The following SLC16A10 variants were observed in gnomAD, a reference collection of about 807,000 sequenced individuals.
The protein encoded by SLC16A10 is solute carrier family 16 member 10, also known as monocarboxylate transporter 10.
A neutral mutation model predicts 40.0 loss-of-function variants in SLC16A10; 27 were observed. That is an observed-to-expected ratio of 0.67 (90% CI 0.50 to 0.93). SLC16A10 has a LOEUF of 0.93. SLC16A10 is among the 40% of genes least tolerant of loss of function. SLC16A10 has a pLI of 0.00. For missense variants in SLC16A10, 529 were observed against 658.2 expected (o/e 0.80, Z 2.15); for synonymous variants, 213 against 249.8 (o/e 0.85, Z 1.39).
At chr6:111,209,747 G>C (rs1387735412) in intron 4 of SLC16A10, among the ~76,000 whole-genome samples, 5 of 152,300 alleles carry the variant, frequency 3.3e-5, no homozygotes, top group African/African-American at 1.2e-4. Flanking sequence ...AGGGGCAGGA[G>C]TGGTCAGCAG....
chr6:111,154,189 C>T (rs898638419), intron 1 of SLC16A10, among the ~76,000 whole-genome samples: 3 of 152,058 alleles, frequency 2.0e-5, no homozygotes, highest in African/African-American at 7.2e-5. Context: ...CCACTATAGG[C>T]CATTAATCCT....
At chr6:111,192,675 TCA>T (rs1773015122) in intron 3 of SLC16A10, among the ~76,000 whole-genome samples, 1 of 152,274 alleles carries the variant, frequency 6.6e-6, no homozygotes, top group South Asian at 2.1e-4. Context: ...TTTAATGGAC[TCA>T]CAGTTCCATA....
chr6:111,092,650 CAT>C (rs947518945), intron 1 of SLC16A10, among the ~76,000 whole-genome samples: 35 of 151,930 alleles, frequency 2.3e-4, no homozygotes, highest in African/African-American at 8.4e-4. Context: ...TACCTGTTCA[CAT>C]GTGTATTCTT....
chr6:111,140,062 T>C (rs1029480001), intron 1 of SLC16A10, among the ~76,000 whole-genome samples: 9 of 152,200 alleles, frequency 5.9e-5, no homozygotes, highest in African/African-American at 2.2e-4. Context: ...GTTACTAAGC[T>C]TAATACTTGG....
At chr6:111,167,914 A>T (rs1364332515) in intron 1 of SLC16A10, among the ~76,000 whole-genome samples, 2 of 151,444 alleles carry the variant, frequency 1.3e-5, no homozygotes, top group East Asian at 3.9e-4. Context: ...GCTTCAAGTA[A>T]TCCTCCTACC....
At chr6:111,161,222 CAAA>C (rs57463212) in intron 1 of SLC16A10, among the ~76,000 whole-genome samples, 10 of 42,424 alleles carry the variant, frequency 2.4e-4, no homozygotes, top group Non-Finnish European at 4.0e-4. Context: ...GACAGTGTCT[CAAA>C]AAAAAAAAAA....
In SLC16A10 at chr6:111,222,162, T is replaced by C. The variant is rs183836560; in HGVS notation, c.1475T>C (p.Met492Thr). 4 of 1,606,922 alleles carry C rather than the reference T, an allele frequency of 2.5e-6. No homozygotes were observed. The Admixed American group carries it at 5.2e-5, about 21-fold the overall frequency. The change falls in exon 6 of 6, where the codon ATG (methionine) becomes ACG (threonine). Residue 492 changes from methionine to threonine, a missense_variant. By Grantham distance (81) the Met-to-Thr change is moderately conservative (BLOSUM62 -1). Coordinates refer to ENST00000368851, the MANE Select transcript of SLC16A10 (RefSeq NM_018593.5). ...KTTGKEKMEK[M>T]LENQNSLLSS... ...ACTGGAAAAGAAAAGATGGAGAAAA[T>C]GTTGGAAAACCAGAACTCTCTGCTG...
In SLC16A10 at chr6:111,223,019, T is replaced by A. The variant is rs1223188896; in HGVS notation, c.*784T>A. The stretch of plus-strand genomic sequence containing the variant: ...AAAGTAAAATAGAATGCATGAAAGA[T>A]ATTCTGGCGATTGTAACTTAGAATT... On this transcript the variant is annotated 3_prime_UTR_variant, in exon 6 of 6. Transcript: ENST00000368851. 6.6e-6 allele frequency: 1 copy of A among 152,206 alleles called. No individual in the cohort carries two copies. The highest frequency in any genetic ancestry group is 1.5e-5 in the Non-Finnish European group (1 of 68,036). 9.4% of individuals were successfully genotyped at this position (152,206 alleles called of 1,614,324 possible). A position where few individuals can be genotyped will look rare whatever the true frequency, so the allele number is the denominator to read the frequency against.
intron 1 of SLC16A10, among the ~76,000 whole-genome samples, chr6:111,088,777 T>G (rs1291690795): frequency 6.6e-6 from 1 of 152,118 alleles, no homozygotes. Flanking sequence ...GACATTTTTT[T>G]TTAACCATAT....
At chr6:111,170,255 A>C (rs1325065323) in intron 1 of SLC16A10, among the ~76,000 whole-genome samples, 1 of 151,960 alleles carries the variant, frequency 6.6e-6, no homozygotes, top group Non-Finnish European at 1.5e-5. Context: ...TCATATAAGC[A>C]GTATATGCAA....
At chr6:111,195,784 G>T (rs1239659715) in intron 3 of SLC16A10, among the ~76,000 whole-genome samples, 1 of 152,156 alleles carries the variant, frequency 6.6e-6, no homozygotes, top group East Asian at 1.9e-4. Context: ...GTCCAAAGAA[G>T]TTTTCTCTCT....
intron 1 of SLC16A10, among the ~76,000 whole-genome samples, chr6:111,163,655 G>A (rs777924372): frequency 6.6e-6 from 1 of 152,186 alleles, no homozygotes; most frequent in South Asian, 2.1e-4. Context: ...GGAGCCCTCT[G>A]TAGTATTCAA....
chr6:111,145,540 G>C (rs889503686), intron 1 of SLC16A10, among the ~76,000 whole-genome samples: 1 of 152,140 alleles, frequency 6.6e-6, no homozygotes, highest in African/African-American at 2.4e-5. Flanking sequence ...ACAGGAAAAA[G>C]AATGAAGTTA....
chr6:111,101,864 G>A (rs1039750545), intron 1 of SLC16A10, among the ~76,000 whole-genome samples: 3 of 152,176 alleles, frequency 2.0e-5, no homozygotes, highest in Non-Finnish European at 2.9e-5. Context: ...CAAGTGATCC[G>A]CCTGCCTTGG....
chr6:111,217,173 TTCCAGGACGGC>T (rs1260686369), intron 4 of SLC16A10, among the ~76,000 whole-genome samples: 1 of 152,200 alleles, frequency 6.6e-6, no homozygotes, highest in African/African-American at 2.4e-5. Context: ...TGGGCCATGG[TTCCAGGACGGC>T]TCCATCTTCT....
chr6:111,212,389 C>G (rs1773359186), intron 4 of SLC16A10, among the ~76,000 whole-genome samples: 1 of 152,174 alleles, frequency 6.6e-6, no homozygotes, highest in East Asian at 1.9e-4. Flanking sequence ...AGAGTCTTTG[C>G]TTATAGGTAA....
intron 3 of SLC16A10, among the ~76,000 whole-genome samples, chr6:111,177,902 A>G (rs968704459): frequency 1.3e-5 from 2 of 152,156 alleles, no homozygotes; most frequent in African/African-American, 4.8e-5. Context: ...ACCCAGCCAG[A>G]CACCATGGTG....
At chr6:111,194,602 G>T (rs768278315) in intron 3 of SLC16A10, among the ~76,000 whole-genome samples, 3 of 151,750 alleles carry the variant, frequency 2.0e-5, no homozygotes. Context: ...ACATATCAGT[G>T]GGATTTAGAA....
intron 1 of SLC16A10, among the ~76,000 whole-genome samples, chr6:111,138,284 G>A (rs1436722603): frequency 2.0e-5 from 3 of 152,208 alleles, no homozygotes; most frequent in African/African-American, 4.8e-5. Flanking sequence ...GCAGGCATGT[G>A]TTTTAGGCAG....
Sources: allele counts gnomAD v4.1 joint callset (sites outside exome capture counted in the v4.1 genomes callset), GRCh38; gene constraint gnomAD v4.1.1; transcripts MANE v1.5; gene names NCBI Gene and HGNC (gene_info 2026-07-23, HGNC 2026-07-21).